The following LAMA2 variants were observed in gnomAD, a reference collection of about 807,000 sequenced individuals.
The protein encoded by LAMA2 is laminin subunit alpha-2.
Under a neutral mutation model 364.8 loss-of-function variants are expected in LAMA2, and 269 were observed. The observed-to-expected ratio is 0.74, with a 90% confidence interval of 0.67 to 0.82. The LOEUF is 0.82. Among genes scored for constraint, LAMA2 ranks in the 40% least tolerant of loss-of-function variants. The probability of loss-of-function intolerance (pLI) is 0.00; values close to 1 mark genes in which losing one functional copy is unlikely to be tolerated. For missense variants in LAMA2, 3,807 were observed against 3,873.2 expected, an observed-to-expected ratio of 0.98 and a Z score of 0.45; for synonymous variants, 1,379 against 1,370.6, an observed-to-expected ratio of 1.01 and a Z score of -0.14.
At chr6:129,115,681 G>T (rs1776435163) in intron 4 of LAMA2, among the ~76,000 whole-genome samples, 1 of 152,062 alleles carries the variant, frequency 6.6e-6, no homozygotes, top group Admixed American at 6.6e-5. Context: ...TCTGGTAACA[G>T]GTGGTGTTGC....
rs1365657711 is a variant in LAMA2 at position 128,943,269 on chromosome 6, C to CACAGAGAG, written c.112+59913_112+59914insCAGAGAGA. ...GAGAGAGTGTGTGTGTATATATACA[C>CACAGAGAG]AGAGAGAGAGAGAGAGAGAGAGAGA... On this transcript the variant is annotated intron_variant, in intron 1 of 64. Transcript: ENST00000421865. Among the ~76,000 whole-genome samples, 126 of 143,188 alleles carry CACAGAGAG rather than the reference C, an allele frequency of 8.8e-4. No homozygotes were observed. In the Middle Eastern group the frequency reaches 0.011, roughly 12 times the overall value. 93.9% of individuals were successfully genotyped at this position (143,188 alleles called of 152,430 possible).
chr6:129,172,293 C>G (rs1471892566), intron 9 of LAMA2, among the ~76,000 whole-genome samples: 2 of 152,096 alleles, frequency 1.3e-5, no homozygotes, highest in Non-Finnish European at 2.9e-5. Context: ...GTTTTTTCCC[C>G]ATCTTTGTGG....
intron 37 of LAMA2, among the ~76,000 whole-genome samples, chr6:129,394,175 C>T (rs1446078941): frequency 6.6e-6 from 1 of 152,180 alleles, no homozygotes; most frequent in East Asian, 1.9e-4. Context: ...CAACAACTTT[C>T]TCCCCAGAGA....
chr6:129,443,607 C>T (rs889096825), intron 44 of LAMA2, among the ~76,000 whole-genome samples: 2 of 152,162 alleles, frequency 1.3e-5, no homozygotes, highest in Non-Finnish European at 2.9e-5. Flanking sequence ...CCCACTGAAG[C>T]TCACTTTTTC....
intron 23 of LAMA2, among the ~76,000 whole-genome samples, chr6:129,313,877 T>C (rs1340777999): frequency 1.3e-5 from 2 of 152,222 alleles, no homozygotes; most frequent in Non-Finnish European, 2.9e-5. Context: ...CCGAGTACAA[T>C]GCTGCATTCT....
At chr6:129,366,016 C>T (rs531310820) in intron 32 of LAMA2, among the ~76,000 whole-genome samples, 45 of 152,202 alleles carry the variant, frequency 3.0e-4, no homozygotes, top group South Asian at 1.5e-3. Context: ...AGGTTCTGGG[C>T]GACATGCATA....
At chr6:129,300,278 G>A (rs1240613068) in intron 21 of LAMA2, among the ~76,000 whole-genome samples, 1 of 152,050 alleles carries the variant, frequency 6.6e-6, no homozygotes, top group Non-Finnish European at 1.5e-5. Flanking sequence ...ATGATGTACC[G>A]AATTTAAGAA....
rs1223815220 is a variant in LAMA2 at position 129,352,868 on chromosome 6, G to A, written c.4524-296G>A. Among the ~76,000 whole-genome samples the A allele has an allele frequency of 3.3e-5, 5 of 152,016 alleles. No individual in the cohort carries two copies. In the East Asian group the frequency reaches 7.7e-4, roughly 23 times the overall value. ...AGGAAGAATCCAATTCTTCTCATTA[G>A]TAGCCTGATATTACAAAGTAATTTA... On this transcript the variant is annotated intron_variant, in intron 31 of 64. Coordinates refer to ENST00000421865, the MANE Select transcript of LAMA2 (RefSeq NM_000426.4).
At chr6:128,914,952 A>G (rs530166226) in intron 1 of LAMA2, among the ~76,000 whole-genome samples, 1 of 152,154 alleles carries the variant, frequency 6.6e-6, no homozygotes. Flanking sequence ...TTACTTCTTC[A>G]AAAATGCTTT....
chr6:129,495,728 C>A lies in LAMA2; in HGVS notation c.8244+3245C>A, dbSNP rs143044130. Reference sequence around the variant, plus strand: ...ACAAACTGCATTTTATAGGGCCTCTCAAGCACATTTTTCTGTGGTATTTAG... The same window carrying A: ...ACAAACTGCATTTTATAGGGCCTCTAAAGCACATTTTTCTGTGGTATTTAG... On this transcript the variant is annotated intron_variant, in intron 58 of 64. Transcript: ENST00000421865. Among the ~76,000 whole-genome samples the A allele has an allele frequency of 2.0e-3, 310 of 152,254 alleles. 5 individuals carry two copies. Among genetic ancestry groups the A allele is most frequent in the African/African-American group, 7.2e-3 (299 of 41,550 alleles).
At chr6:129,365,477 C>T (rs1322743631) in intron 32 of LAMA2, among the ~76,000 whole-genome samples, 9 of 152,104 alleles carry the variant, frequency 5.9e-5, no homozygotes, top group Admixed American at 5.9e-4. Context: ...ATTCTCCTGC[C>T]TCAGCCTTCT....
chr6:129,293,462 T>C (rs1407334546), intron 20 of LAMA2, among the ~76,000 whole-genome samples: 4 of 152,184 alleles, frequency 2.6e-5, no homozygotes, highest in Non-Finnish European at 2.9e-5. Flanking sequence ...CCAAGAAAAC[T>C]CAGCCCATTT....
intron 30 of LAMA2, among the ~76,000 whole-genome samples, chr6:129,347,926 CATT>C (rs1251525146): frequency 6.6e-6 from 1 of 152,160 alleles, no homozygotes; most frequent in Non-Finnish European, 1.5e-5. Context: ...ATTGACATTT[CATT>C]ATTTTACTAT....
chr6:129,176,164 A>C (rs1780575010), intron 9 of LAMA2, among the ~76,000 whole-genome samples: 3 of 151,890 alleles, frequency 2.0e-5, no homozygotes, highest in Admixed American at 2.0e-4. Flanking sequence ...TTTTTAATTG[A>C]AGTCTTGATT....
intron 1 of LAMA2, among the ~76,000 whole-genome samples, chr6:129,027,737 G>A (rs1033432818): frequency 6.6e-6 from 1 of 151,862 alleles, no homozygotes; most frequent in African/African-American, 2.4e-5. Context: ...GAAAGCAATT[G>A]AACACTACCC....
chr6:129,315,557 C>T lies in LAMA2; in HGVS notation c.3637C>T (p.Gln1213Ter). The change falls in exon 25 of 65, where the codon CAA becomes TAA. Residue 1213 changes from glutamine (Q) to a stop codon, truncating the protein, a stop_gained. Coordinates refer to ENST00000421865, the MANE Select transcript of LAMA2 (RefSeq NM_000426.4). LOFTEE classifies it high-confidence loss of function. ...QHTTTKGIVF[Q>*]HPEIVAHMDL... ...CACGACCACCAAGGGCATTGTTTTT[C>T]AACATCCAGAGATTGTTGCCCACAT... The T allele has an allele frequency of 1.9e-6, 3 of 1,614,198 alleles. No homozygotes were observed. Among genetic ancestry groups the T allele is most frequent in the Non-Finnish European group, 2.5e-6 (3 of 1,180,016 alleles).
chr6:129,374,540 C>G (rs1778264406), intron 34 of LAMA2, among the ~76,000 whole-genome samples: 1 of 151,730 alleles, frequency 6.6e-6, no homozygotes, highest in Admixed American at 6.6e-5. Flanking sequence ...AGCTAAGACT[C>G]TCTTCCCTCT....
intron 12 of LAMA2, among the ~76,000 whole-genome samples, chr6:129,230,533 A>G (rs969879220): frequency 6.6e-6 from 1 of 152,070 alleles, no homozygotes; most frequent in South Asian, 2.1e-4. Flanking sequence ...ATATTCTTAG[A>G]AAATAGAAAA....
In LAMA2 at chr6:129,456,409, A is replaced by G. The variant is rs752512079; in HGVS notation, c.6782A>G (p.His2261Arg). ...PKASIVPSTH[H>R]STSPPGYTIL... ...GCCAGCATTGTGCCCAGCACACACCATTCGACGTCTCCTCCAGGGTACACG... is the reference window on the plus strand; with the variant it reads ...GCCAGCATTGTGCCCAGCACACACCGTTCGACGTCTCCTCCAGGGTACACG... The change falls in exon 48 of 65, where the codon CAT (histidine) becomes CGT (arginine). Residue 2261 changes from histidine to arginine, a missense_variant. His to Arg is a conservative substitution (Grantham distance 29, BLOSUM62 0). This residue lies in a region of LAMA2 where 3,333 missense variants were observed against 3,345.7 expected (regional missense o/e 1.00). Transcript: ENST00000421865. 1.9e-6 allele frequency: 3 copies of G among 1,613,310 alleles called. No individual in the cohort carries two copies. The highest frequency in any genetic ancestry group is 2.5e-6 in the Non-Finnish European group (3 of 1,179,504).
Sources: allele counts gnomAD v4.1 joint callset (sites outside exome capture counted in the v4.1 genomes callset), GRCh38; gene constraint gnomAD v4.1.1; regional missense constraint gnomAD v4.1.1; transcripts MANE v1.5; gene names NCBI Gene and HGNC (gene_info 2026-07-23, HGNC 2026-07-21).